Variants in SUGCT observed in about 807,000 individuals in gnomAD.
SUGCT encodes the protein succinyl-CoA:glutarate CoA-transferase.
Under a neutral mutation model 55.0 loss-of-function variants are expected in SUGCT, and 41 were observed. That is an observed-to-expected ratio of 0.74 (90% CI 0.58 to 0.97). The LOEUF is 0.97. Ranked by LOEUF, SUGCT falls within the 50% of genes least tolerant of loss-of-function variation. SUGCT has a pLI of 0.00. For synonymous variants in SUGCT, 187 were observed against 200.4 expected (o/e 0.93, Z 0.56); for missense variants, 568 against 547.8 (o/e 1.04, Z -0.37).
At chr7:40,997,481 G>A in the SUGCT span, among the ~76,000 whole-genome samples, 9 of 152,078 alleles carry the variant, frequency 5.9e-5, no homozygotes, top group African/African-American at 1.9e-4. Context: ...TCACCAGACT[G>A]CTCATGGTTC....
At chr7:40,391,310 G>A (rs1785416448) in intron 9 of SUGCT, among the ~76,000 whole-genome samples, 1 of 152,162 alleles carries the variant, frequency 6.6e-6, no homozygotes, top group Admixed American at 6.5e-5. Flanking sequence ...AAGAGCTTCT[G>A]CACAGCAAAA....
chr7:40,371,097 A>G (rs891709197), intron 9 of SUGCT, among the ~76,000 whole-genome samples: 3 of 152,174 alleles, frequency 2.0e-5, no homozygotes, highest in African/African-American at 7.2e-5. Flanking sequence ...ACTCATATGA[A>G]CATTAAGAAA....
chr7:40,313,846 C>T (rs1235221386), intron 8 of SUGCT, among the ~76,000 whole-genome samples: 1 of 151,924 alleles, frequency 6.6e-6, no homozygotes, highest in Non-Finnish European at 1.5e-5. Context: ...CCTGCCTCAG[C>T]CTCCCAAAGT....
At chr7:40,320,814 G>C (rs959645341) in intron 9 of SUGCT, among the ~76,000 whole-genome samples, 1 of 152,140 alleles carries the variant, frequency 6.6e-6, no homozygotes, top group Non-Finnish European at 1.5e-5. Flanking sequence ...AGATTTTAGA[G>C]CATACAAGTG....
intron 12 of SUGCT, among the ~76,000 whole-genome samples, chr7:40,570,848 CTCTT>C (rs1796405994): frequency 3.2e-5 from 3 of 93,854 alleles, no homozygotes; most frequent in Admixed American, 1.1e-4. Flanking sequence ...AAGCTTTAGG[CTCTT>C]TTTTTTTTTT....
At chr7:40,811,204 C>T (rs1791393945) in intron 13 of SUGCT, among the ~76,000 whole-genome samples, 2 of 152,134 alleles carry the variant, frequency 1.3e-5, no homozygotes, top group Admixed American at 6.5e-5. Context: ...AATGTGATGC[C>T]TCCAGCTTTG....
chr7:40,834,191 A>G (rs980612757), intron 13 of SUGCT, among the ~76,000 whole-genome samples: 2 of 150,118 alleles, frequency 1.3e-5, no homozygotes, highest in Non-Finnish European at 2.9e-5. Flanking sequence ...AGAAGCATGG[A>G]CTGGACAGCT....
chr7:40,348,140 C>T (rs934823541), intron 9 of SUGCT, among the ~76,000 whole-genome samples: 5 of 152,334 alleles, frequency 3.3e-5, no homozygotes, highest in East Asian at 1.9e-4. Context: ...CAGCAGCTAG[C>T]GCTGGAGCCC....
chr7:40,909,141 G>A, the SUGCT span, among the ~76,000 whole-genome samples: 1 of 152,100 alleles, frequency 6.6e-6, no homozygotes, highest in Non-Finnish European at 1.5e-5. Flanking sequence ...AAAGAGAGTG[G>A]AGACCCAATC....
chr7:40,608,152 G>A (rs577529923), intron 12 of SUGCT, among the ~76,000 whole-genome samples: 8 of 152,196 alleles, frequency 5.3e-5, no homozygotes, highest in Admixed American at 4.6e-4. Flanking sequence ...GTAGTATCTC[G>A]TTTCTTCCAC....
At chr7:40,786,624 A>G (rs1790026581) in intron 13 of SUGCT, among the ~76,000 whole-genome samples, 2 of 152,244 alleles carry the variant, frequency 1.3e-5, no homozygotes, top group Non-Finnish European at 2.9e-5. Context: ...GGAAATAACC[A>G]AAAGAAAAAT....
intron 12 of SUGCT, among the ~76,000 whole-genome samples, chr7:40,554,225 G>A (rs1395977198): frequency 6.6e-6 from 1 of 152,200 alleles, no homozygotes; most frequent in Non-Finnish European, 1.5e-5. Context: ...TTGTAAATCT[G>A]CGCAGATGAT....
At chr7:40,415,061 A>AATCTATCTATCT (rs58954731) in intron 9 of SUGCT, among the ~76,000 whole-genome samples, 5 of 63,586 alleles carry the variant, frequency 7.9e-5, no homozygotes, top group African/African-American at 2.8e-4. Context: ...AAAAAAAAAA[A>AATCTATCTATCT]ATCTATCTAT....
At chr7:40,632,913 A>G (rs1337961175) in intron 12 of SUGCT, among the ~76,000 whole-genome samples, 3 of 152,186 alleles carry the variant, frequency 2.0e-5, no homozygotes, top group African/African-American at 4.8e-5. Context: ...TACAGACTCT[A>G]TTATAAAGAG....
chr7:40,198,992 CAA>C (rs548029146), intron 6 of SUGCT, among the ~76,000 whole-genome samples: 2 of 130,138 alleles, frequency 1.5e-5, no homozygotes, highest in Non-Finnish European at 1.7e-5. Context: ...GACTCCACCT[CAA>C]AAAAAAAAAA....
chr7:40,981,411 T>A, the SUGCT span, among the ~76,000 whole-genome samples: 70 of 152,284 alleles, frequency 4.6e-4, 1 homozygote, highest in Admixed American at 3.3e-3. Context: ...TCATCTCTAT[T>A]CCTGGCTTCT....
the SUGCT span, among the ~76,000 whole-genome samples, chr7:41,013,727 CATTTT>C: frequency 6.6e-6 from 1 of 151,444 alleles, no homozygotes; most frequent in East Asian, 1.9e-4. Context: ...GATCAGGACA[CATTTT>C]AGTTGCTTTT....
At chr7:40,526,408 C>G (rs137946803) in intron 12 of SUGCT, among the ~76,000 whole-genome samples, 207 of 152,250 alleles carry the variant, frequency 1.4e-3, no homozygotes, top group African/African-American at 4.8e-3. Context: ...TGTTACTGAT[C>G]GTGCTGTGAC....
At chr7:40,358,992 C>T (rs1798015410) in intron 9 of SUGCT, among the ~76,000 whole-genome samples, 1 of 152,178 alleles carries the variant, frequency 6.6e-6, no homozygotes, top group Non-Finnish European at 1.5e-5. Context: ...ATACATTTTA[C>T]ACTATGTTTA....
Sources: allele counts gnomAD v4.1 joint callset (sites outside exome capture counted in the v4.1 genomes callset), GRCh38; gene constraint gnomAD v4.1.1; transcripts MANE v1.5; gene names NCBI Gene and HGNC (gene_info 2026-07-23, HGNC 2026-07-21).